SLC10A7: variants seen among roughly 807,000 people sequenced by gnomAD.
SLC10A7 encodes the protein solute carrier family 10 member 7, also known as sodium/bile acid cotransporter 7.
Under a neutral mutation model 43.2 loss-of-function variants are expected in SLC10A7, and 29 were observed. The observed-to-expected ratio is 0.67, with a 90% CI of 0.50 to 0.92. The LOEUF (loss-of-function observed/expected upper bound fraction) is 0.92, where lower values mean the gene tolerates loss of function less well. Among genes scored for constraint, SLC10A7 ranks in the 40% least tolerant of loss-of-function variants. SLC10A7 has a pLI of 0.00. For synonymous variants in SLC10A7, 152 were observed against 144.8 expected, an observed-to-expected ratio of 1.05 and a Z score of -0.35; for missense variants, 295 against 403.2, an observed-to-expected ratio of 0.73 and a Z score of 2.30.
chr4:146,482,395 A>G (rs1322293855), intron 4 of SLC10A7, among the ~76,000 whole-genome samples: 2 of 152,222 alleles, frequency 1.3e-5, no homozygotes, highest in African/African-American at 4.8e-5. Flanking sequence ...CATGATCTGA[A>G]TAACAAATTC....
intron 9 of SLC10A7, among the ~76,000 whole-genome samples, chr4:146,285,022 A>G (rs1729799068): frequency 6.6e-6 from 1 of 152,216 alleles, no homozygotes; most frequent in Admixed American, 6.5e-5. Flanking sequence ...AGCCTTAAAG[A>G]ATAGATTTAG....
intron 1 of SLC10A7, among the ~76,000 whole-genome samples, chr4:146,517,835 C>G (rs1308928213): frequency 6.6e-6 from 1 of 152,120 alleles, no homozygotes; most frequent in Admixed American, 6.5e-5. Context: ...TTCATTTCTT[C>G]TAGGATATCA....
At chr4:146,456,768 C>T (rs1309119936) in intron 4 of SLC10A7, among the ~76,000 whole-genome samples, 2 of 151,822 alleles carry the variant, frequency 1.3e-5, no homozygotes, top group Non-Finnish European at 2.9e-5. Context: ...AATTCAATCT[C>T]CAGCCCCCTC....
chr4:146,466,442 C>G (rs1733042877), intron 4 of SLC10A7, among the ~76,000 whole-genome samples: 1 of 152,124 alleles, frequency 6.6e-6, no homozygotes, highest in South Asian at 2.1e-4. Flanking sequence ...TTAAAAACTG[C>G]CTTCCAAGAT....
intron 5 of SLC10A7, among the ~76,000 whole-genome samples, chr4:146,356,882 T>C (rs1427527061): frequency 6.6e-6 from 1 of 152,218 alleles, no homozygotes; most frequent in Non-Finnish European, 1.5e-5. Flanking sequence ...TCTAGTCCTA[T>C]GCTTAATTTA....
chr4:146,409,935 C>T (rs10020390), intron 5 of SLC10A7, among the ~76,000 whole-genome samples: 32,663 of 152,064 alleles, frequency 0.21, 3,651 homozygotes, highest in African/African-American at 0.27. Flanking sequence ...TTAATCTTAA[C>T]ATTTCATAGC....
intron 5 of SLC10A7, among the ~76,000 whole-genome samples, chr4:146,385,798 A>G (rs1737950785): frequency 6.6e-6 from 1 of 152,086 alleles, no homozygotes; most frequent in Non-Finnish European, 1.5e-5. Context: ...TGCCATCTTC[A>G]TGTCCGTAAG....
Position 146,307,269 on chromosome 4 carries a change from T to C in SLC10A7, c.472-1260A>G, listed in dbSNP as rs183589678. On this transcript the variant is annotated intron_variant, in intron 6 of 11. Coordinates refer to ENST00000335472, the MANE Select transcript of SLC10A7 (RefSeq NM_001029998.6). ...GTTCATTGAAAACCAGCTTCAACAC[T>C]GACCACTGGCTGTCTATTTAACCCA... 1.9e-3 allele frequency among the ~76,000 whole-genome samples: 292 copies of C among 152,296 alleles called. 2 individuals are homozygous for C. The highest frequency in any genetic ancestry group is 3.4e-3 in the Non-Finnish European group (233 of 68,020).
intron 5 of SLC10A7, among the ~76,000 whole-genome samples, chr4:146,400,556 A>G (rs752769914): frequency 3.3e-5 from 5 of 152,114 alleles, no homozygotes; most frequent in Admixed American, 6.5e-5. Flanking sequence ...CGTTTTCTGA[A>G]CATCTACTAG....
chr4:146,373,707 A>T (rs571475366), intron 5 of SLC10A7, among the ~76,000 whole-genome samples: 366 of 152,294 alleles, frequency 2.4e-3, no homozygotes, highest in Non-Finnish European at 4.5e-3. Flanking sequence ...GGAGATTTTT[A>T]AAAATACTAA....
At chr4:146,281,535 C>T (rs1412929965) in intron 10 of SLC10A7, among the ~76,000 whole-genome samples, 1 of 151,972 alleles carries the variant, frequency 6.6e-6, no homozygotes, top group Non-Finnish European at 1.5e-5. Context: ...GATACAGGCT[C>T]ATTCGATCCC....
Position 146,330,494 on chromosome 4 carries a change from A to G in SLC10A7, c.436-4498T>C, listed in dbSNP as rs184584764. ...TTAGAGATACCCTGGTCTAGTCCTC[A>G]TCTAAAGTGCGAACCCCTCTCTCTG... On this transcript the variant is annotated intron_variant, in intron 5 of 11. Coordinates refer to ENST00000335472, the MANE Select transcript of SLC10A7 (RefSeq NM_001029998.6). Among the ~76,000 whole-genome samples, 10 of 152,274 alleles carry G rather than the reference A, an allele frequency of 6.6e-5. No individual in the cohort carries two copies. In the East Asian group the frequency reaches 1.9e-3, roughly 29 times the overall value.
intron 4 of SLC10A7, among the ~76,000 whole-genome samples, chr4:146,454,484 C>G (rs992917396): frequency 3.3e-5 from 5 of 151,890 alleles, no homozygotes; most frequent in African/African-American, 1.2e-4. Flanking sequence ...CTTGCACCCT[C>G]TCTATTACAT....
chr4:146,291,563 A>C (rs1294463039), intron 9 of SLC10A7, among the ~76,000 whole-genome samples: 1 of 152,014 alleles, frequency 6.6e-6, no homozygotes, highest in Non-Finnish European at 1.5e-5. Context: ...TGGGCTTTGC[A>C]ATCTGGCTCA....
intron 5 of SLC10A7, among the ~76,000 whole-genome samples, chr4:146,343,062 T>A (rs1578934675): frequency 6.6e-6 from 1 of 152,142 alleles, no homozygotes; most frequent in South Asian, 2.1e-4. Flanking sequence ...TTTTGAGGCA[T>A]GCTTGTCAAT....
chr4:146,438,776 G>T (rs578040157), intron 5 of SLC10A7, among the ~76,000 whole-genome samples: 1 of 151,816 alleles, frequency 6.6e-6, no homozygotes, highest in Non-Finnish European at 1.5e-5. Context: ...TTAGTTTGGC[G>T]AATTTGTTTT....
At chr4:146,521,556 A>C in intron 1 of SLC10A7, 62 bp downstream of exon 1, 1 of 1,428,472 alleles carries the variant, frequency 7.0e-7, no homozygotes, top group Non-Finnish European at 9.8e-7. Context: ...CACCTTTCCA[A>C]GACTCACAAA....
intron 5 of SLC10A7, among the ~76,000 whole-genome samples, chr4:146,337,198 T>C (rs1176755252): frequency 6.6e-6 from 1 of 152,078 alleles, no homozygotes; most frequent in African/African-American, 2.4e-5. Context: ...TTGCAGAGTA[T>C]ATATTAGACC....
At chr4:146,490,375 A>G (rs1231464476) in intron 4 of SLC10A7, among the ~76,000 whole-genome samples, 1 of 142,918 alleles carries the variant, frequency 7.0e-6, no homozygotes, top group African/African-American at 2.6e-5. Flanking sequence ...TATCAGTCTA[A>G]TGGGTTATTA....
Sources: allele counts gnomAD v4.1 joint callset (sites outside exome capture counted in the v4.1 genomes callset), GRCh38; gene constraint gnomAD v4.1.1; transcripts MANE v1.5; gene names NCBI Gene and HGNC (gene_info 2026-07-23, HGNC 2026-07-21).